Variants in MTUS2 observed in about 807,000 individuals in gnomAD.
MTUS2 encodes microtubule-associated tumor suppressor candidate 2.
In MTUS2, 40 loss-of-function variants were observed where a neutral mutation model predicts 114.1. The observed-to-expected ratio is 0.35, with a 90% CI of 0.27 to 0.46. The LOEUF is 0.46. MTUS2 is among the 20% of genes least tolerant of loss of function. The probability of loss-of-function intolerance (pLI) is 1.00; values close to 1 mark genes in which losing one functional copy is unlikely to be tolerated. For missense variants in MTUS2, 1,679 were observed against 1,705.4 expected, an observed-to-expected ratio of 0.98 and a Z score of 0.27; for synonymous variants, 688 against 672.0, an observed-to-expected ratio of 1.02 and a Z score of -0.37.
At chr13:28,871,361 A>T (rs1160597087) in intron 2 of MTUS2, among the ~76,000 whole-genome samples, 1 of 152,126 alleles carries the variant, frequency 6.6e-6, no homozygotes, top group Non-Finnish European at 1.5e-5. Context: ...TTTTCATGTC[A>T]GGTGTGGGCA....
chr13:28,868,250 G>A (rs1877416358), intron 2 of MTUS2, among the ~76,000 whole-genome samples: 2 of 152,144 alleles, frequency 1.3e-5, no homozygotes, highest in Admixed American at 6.6e-5. Flanking sequence ...TTATAATAGT[G>A]TTATTCTTCG....
Position 29,309,880 on chromosome 13 carries a change from C to T in MTUS2, c.2807-14733C>T, listed in dbSNP as rs1899671689. Among the ~76,000 whole-genome samples the T allele has an allele frequency of 2.0e-5, 3 of 152,094 alleles. No homozygotes were observed. The South Asian group carries it at 6.2e-4, about 32-fold the overall frequency. On this transcript the variant is annotated intron_variant, in intron 6 of 15. Transcript: ENST00000612955. Reference sequence around the variant, plus strand: ...GGTCACATCAGGGTAAATGAGGTCTCCATCACCTCAAGCATTTATCCTTTC... The same window carrying T: ...GGTCACATCAGGGTAAATGAGGTCTTCATCACCTCAAGCATTTATCCTTTC...
intron 8 of MTUS2, among the ~76,000 whole-genome samples, chr13:29,374,138 A>G (rs538654567): frequency 1.1e-3 from 167 of 151,558 alleles, no homozygotes; most frequent in Non-Finnish European, 1.8e-3. Context: ...ATCAGTAGAA[A>G]TTGTCCAATC....
At chr13:29,041,039 T>C (rs1388897628) in intron 4 of MTUS2, among the ~76,000 whole-genome samples, 1 of 152,346 alleles carries the variant, frequency 6.6e-6, no homozygotes, top group Middle Eastern at 3.4e-3. Context: ...CCTACGATAA[T>C]GTCTAGAAGG....
chr13:29,353,846 A>G (rs1869506072), intron 7 of MTUS2, among the ~76,000 whole-genome samples: 1 of 152,098 alleles, frequency 6.6e-6, no homozygotes, highest in Admixed American at 6.5e-5. Flanking sequence ...GACTCTAAGT[A>G]TTGTCCCACT....
chr13:29,481,016 A>G (rs114279126), intron 10 of MTUS2, among the ~76,000 whole-genome samples: 1,701 of 152,266 alleles, frequency 0.011, 28 homozygotes, highest in African/African-American at 0.038. Context: ...CTGGCCATGG[A>G]AAAGCCAGGG....
intron 2 of MTUS2, among the ~76,000 whole-genome samples, chr13:28,956,430 C>G (rs1883070844): frequency 6.6e-6 from 1 of 152,142 alleles, no homozygotes. Flanking sequence ...GCTCCACCCC[C>G]ACTGGAGGTT....
chr13:28,869,163 T>A (rs1877472996), intron 2 of MTUS2, among the ~76,000 whole-genome samples: 1 of 152,226 alleles, frequency 6.6e-6, no homozygotes, highest in African/African-American at 2.4e-5. Context: ...CTTTGAAATC[T>A]TGACCCTGGC....
intron 6 of MTUS2, among the ~76,000 whole-genome samples, chr13:29,290,858 C>G (rs76003732): frequency 3.3e-5 from 5 of 152,160 alleles, no homozygotes; most frequent in Non-Finnish European, 7.3e-5. Context: ...TCCCCAAATC[C>G]TTAGCACCAA....
chr13:29,287,563 C>T (rs1898542329), intron 6 of MTUS2, among the ~76,000 whole-genome samples: 1 of 152,126 alleles, frequency 6.6e-6, no homozygotes, highest in South Asian at 2.1e-4. Context: ...ATGTGTGTTA[C>T]TTTCTCCAGA....
chr13:28,855,780 G>T (rs1876588519), intron 2 of MTUS2, among the ~76,000 whole-genome samples: 1 of 152,110 alleles, frequency 6.6e-6, no homozygotes, highest in Non-Finnish European at 1.5e-5. Context: ...ATTCCTTTGG[G>T]TATATACTAG....
At chr13:29,121,401 A>G (rs1891299684) in intron 5 of MTUS2, among the ~76,000 whole-genome samples, 1 of 151,468 alleles carries the variant, frequency 6.6e-6, no homozygotes, top group Non-Finnish European at 1.5e-5. Flanking sequence ...AAGACTCCTT[A>G]TTTCCCTATA....
At chr13:28,852,852 C>T (rs1161467) in intron 2 of MTUS2, among the ~76,000 whole-genome samples, 96,983 of 151,496 alleles carry the variant, frequency 0.64, 34,436 homozygotes, top group Non-Finnish European at 0.78. Flanking sequence ...ATCTTAAATA[C>T]GTACATACAT....
chr13:28,829,853 T>G (rs1874540823), intron 1 of MTUS2, among the ~76,000 whole-genome samples: 1 of 152,212 alleles, frequency 6.6e-6, no homozygotes, highest in South Asian at 2.1e-4. Flanking sequence ...GATGTAGTCT[T>G]TGGAATCTAG....
At chr13:29,411,367 A>T (rs1404162615) in intron 8 of MTUS2, among the ~76,000 whole-genome samples, 1 of 152,216 alleles carries the variant, frequency 6.6e-6, no homozygotes, top group African/African-American at 2.4e-5. Context: ...GCTTTATCTT[A>T]TAATAAATTT....
intron 4 of MTUS2, among the ~76,000 whole-genome samples, chr13:29,064,194 G>A (rs1189349049): frequency 6.6e-6 from 1 of 152,180 alleles, no homozygotes; most frequent in Admixed American, 6.5e-5. Flanking sequence ...TAATTTATTA[G>A]ATGGACTAAG....
At chr13:29,430,536 C>T (rs180931730) in intron 8 of MTUS2, among the ~76,000 whole-genome samples, 2,167 of 152,238 alleles carry the variant, frequency 0.014, 27 homozygotes, top group Middle Eastern at 0.027. Flanking sequence ...ACTTACACTG[C>T]TTTTACCAGC....
At chr13:29,395,383 T>C (rs543283142) in intron 8 of MTUS2, among the ~76,000 whole-genome samples, 1 of 152,198 alleles carries the variant, frequency 6.6e-6, no homozygotes, top group African/African-American at 2.4e-5. Context: ...ATTTTGAAAA[T>C]GGAGCACTCA....
At chr13:29,368,215 G>A (rs1870898200) in intron 8 of MTUS2, among the ~76,000 whole-genome samples, 1 of 151,720 alleles carries the variant, frequency 6.6e-6, no homozygotes, top group African/African-American at 2.4e-5. Flanking sequence ...TGGTATTATG[G>A]GCGTGAGCCA....
Sources: gnomAD v4.1 joint callset for allele counts (sites outside exome capture counted in the v4.1 genomes callset) on GRCh38, gnomAD v4.1.1 for gene constraint, MANE v1.5 for transcripts, NCBI Gene and HGNC (gene_info 2026-07-23, HGNC 2026-07-21) for gene names.